The following MYO16 variants were observed in gnomAD, a reference collection of about 807,000 sequenced individuals.
MYO16 encodes the protein unconventional myosin-XVI.
In MYO16, 94 loss-of-function variants were observed where a neutral mutation model predicts 205.3. The ratio of observed to expected loss-of-function variants is 0.46; its 90% CI spans 0.39 to 0.54. The LOEUF is 0.54. Among genes scored for constraint, MYO16 ranks in the 20% least tolerant of loss-of-function variants. The pLI is 0.00. For missense variants in MYO16, 2,315 were observed against 2,387.5 expected, an observed-to-expected ratio of 0.97 and a Z score of 0.63; for synonymous variants, 988 against 954.0, an observed-to-expected ratio of 1.04 and a Z score of -0.66.
chr13:108,832,827 G>A (rs1455968507), intron 9 of MYO16, among the ~76,000 whole-genome samples: 1 of 151,940 alleles, frequency 6.6e-6, no homozygotes, highest in Non-Finnish European at 1.5e-5. Context: ...AAAACATCAA[G>A]CCTTTTTAAT....
intron 1 of MYO16, among the ~76,000 whole-genome samples, chr13:108,623,927 G>A (rs1879632693): frequency 6.6e-6 from 1 of 152,036 alleles, no homozygotes; most frequent in African/African-American, 2.4e-5. Context: ...GAGAAGGTCA[G>A]GAATAATTTA....
chr13:108,939,599 T>G (rs1261295960), intron 16 of MYO16, among the ~76,000 whole-genome samples: 2 of 152,224 alleles, frequency 1.3e-5, no homozygotes, highest in African/African-American at 4.8e-5. Context: ...TGTGTCATCT[T>G]GGAAATAAAA....
At chr13:108,642,649 CT>C (rs1429338960) in intron 1 of MYO16, among the ~76,000 whole-genome samples, 1 of 152,042 alleles carries the variant, frequency 6.6e-6, no homozygotes, top group Non-Finnish European at 1.5e-5. Context: ...AACTCCTGAC[CT>C]CAGGTGATCT....
chr13:108,843,950 A>G (rs1877379884), intron 9 of MYO16, among the ~76,000 whole-genome samples: 1 of 152,124 alleles, frequency 6.6e-6, no homozygotes, highest in African/African-American at 2.4e-5. Context: ...TAATTTTTAA[A>G]CTAATTATAC....
chr13:109,155,463 C>T (rs1422288108), intron 32 of MYO16, among the ~76,000 whole-genome samples: 3 of 152,104 alleles, frequency 2.0e-5, no homozygotes, highest in Non-Finnish European at 4.4e-5. Context: ...AGTAGAGGGC[C>T]GGGCAAATCC....
chr13:108,545,513 T>C, the MYO16 span, among the ~76,000 whole-genome samples: 2 of 152,214 alleles, frequency 1.3e-5, no homozygotes, highest in African/African-American at 4.8e-5. Flanking sequence ...TCTTTGGGCA[T>C]ACACCCAGTA....
At chr13:109,149,710 G>GC (rs1370571423) in intron 32 of MYO16, among the ~76,000 whole-genome samples, 1 of 152,016 alleles carries the variant, frequency 6.6e-6, no homozygotes, top group African/African-American at 2.4e-5. Context: ...TTCTTCGTGT[G>GC]CCCCCTGCCT....
chr13:108,714,712 A>G (rs1399968598), intron 3 of MYO16, among the ~76,000 whole-genome samples: 3 of 152,160 alleles, frequency 2.0e-5, no homozygotes, highest in Non-Finnish European at 4.4e-5. Flanking sequence ...CAAATCAAAT[A>G]CTTGTTGACT....
intron 1 of MYO16, among the ~76,000 whole-genome samples, chr13:108,663,186 T>A (rs2139427636): frequency 6.6e-6 from 1 of 152,306 alleles, no homozygotes; most frequent in South Asian, 2.1e-4. Context: ...CTTCTTGAAG[T>A]CAATCTGGAG....
chr13:108,626,330 A>G (rs186301290), upstream of MYO16, among the ~76,000 whole-genome samples: 13 of 152,362 alleles, frequency 8.5e-5, no homozygotes, highest in Non-Finnish European at 1.9e-4. Flanking sequence ...AAAATAATAA[A>G]ATAATTGTGC....
At chr13:108,684,801 G>T (rs1037591552) in intron 2 of MYO16, among the ~76,000 whole-genome samples, 5 of 152,278 alleles carry the variant, frequency 3.3e-5, no homozygotes, top group Admixed American at 6.5e-5. Flanking sequence ...AGAGTTCCCG[G>T]ATTACTGAAC....
intron 4 of MYO16, among the ~76,000 whole-genome samples, chr13:108,759,974 A>G (rs552280485): frequency 1.3e-5 from 2 of 152,308 alleles, no homozygotes; most frequent in Admixed American, 1.3e-4. Context: ...TGCATGTGAT[A>G]TTTTGATTCA....
chr13:108,763,120 A>G (rs1487128919), intron 4 of MYO16, among the ~76,000 whole-genome samples: 1 of 152,160 alleles, frequency 6.6e-6, no homozygotes, highest in Non-Finnish European at 1.5e-5. Context: ...AACATCACAT[A>G]TTCTTTATTG....
At chr13:108,718,292 C>A (rs1233057565) in intron 3 of MYO16, among the ~76,000 whole-genome samples, 1 of 152,036 alleles carries the variant, frequency 6.6e-6, no homozygotes, top group Non-Finnish European at 1.5e-5. Flanking sequence ...CCCTGCCCAC[C>A]CACCTGGACA....
intron 15 of MYO16, among the ~76,000 whole-genome samples, chr13:108,904,608 T>C (rs1222347267): frequency 6.6e-6 from 1 of 152,230 alleles, no homozygotes; most frequent in East Asian, 1.9e-4. Flanking sequence ...ACAGATTATA[T>C]GTAACATAAC....
At chr13:109,128,917 G>A (rs1876398653) in intron 31 of MYO16, among the ~76,000 whole-genome samples, 1 of 151,788 alleles carries the variant, frequency 6.6e-6, no homozygotes, top group South Asian at 2.1e-4. Context: ...GACTACAGGT[G>A]CCTGCCACCA....
At chr13:108,632,755 C>T (rs989526673) in intron 1 of MYO16, among the ~76,000 whole-genome samples, 5 of 152,074 alleles carry the variant, frequency 3.3e-5, no homozygotes, top group African/African-American at 1.2e-4. Context: ...TAGCTTTAGA[C>T]AGATCTGCAG....
intron 27 of MYO16, among the ~76,000 whole-genome samples, chr13:109,065,254 T>A (rs1300788011): frequency 1.3e-5 from 2 of 152,170 alleles, no homozygotes; most frequent in Non-Finnish European, 2.9e-5. Flanking sequence ...TGTATTCTAT[T>A]CATCAAAGCA....
chr13:108,593,473 C>T (rs895937153), upstream of MYO16, among the ~76,000 whole-genome samples: 1 of 152,130 alleles, frequency 6.6e-6, no homozygotes, highest in East Asian at 1.9e-4. Context: ...ACCTGAGACA[C>T]CACCCACGGC....
Sources: allele counts gnomAD v4.1 joint callset (sites outside exome capture counted in the v4.1 genomes callset), GRCh38; gene constraint gnomAD v4.1.1; transcripts MANE v1.5; gene names NCBI Gene and HGNC (gene_info 2026-07-23, HGNC 2026-07-21).